The following SLC14A2 variants were observed in gnomAD, a reference collection of about 807,000 sequenced individuals.
The protein encoded by SLC14A2 is urea transporter 2.
A neutral mutation model predicts 104.6 loss-of-function variants in SLC14A2; 91 were observed. The observed-to-expected ratio is 0.87, with a 90% CI of 0.73 to 1.04. The LOEUF (loss-of-function observed/expected upper bound fraction) is 1.04, where lower values mean the gene tolerates loss of function less well. SLC14A2 is among the 50% of genes least tolerant of loss of function. The pLI is 0.00. For synonymous variants in SLC14A2, 476 were observed against 466.4 expected (o/e 1.02, Z -0.27); for missense variants, 1,189 against 1,156.0 (o/e 1.03, Z -0.41).
chr18:45,291,542 G>A (rs1421981275), intron 1 of SLC14A2, among the ~76,000 whole-genome samples: 1 of 152,162 alleles, frequency 6.6e-6, no homozygotes, highest in Non-Finnish European at 1.5e-5. Flanking sequence ...CTCCCAGTGT[G>A]GGAACCCAGG....
intron 1 of SLC14A2, among the ~76,000 whole-genome samples, chr18:45,365,662 G>A (rs1019512129): frequency 1.3e-5 from 2 of 152,100 alleles, no homozygotes; most frequent in African/African-American, 2.4e-5. Context: ...CTCCCTGCTC[G>A]GTGCTCTTCC....
chr18:45,282,759 G>A (rs1952510562), intron 1 of SLC14A2, among the ~76,000 whole-genome samples: 2 of 152,114 alleles, frequency 1.3e-5, no homozygotes, highest in Non-Finnish European at 2.9e-5. Flanking sequence ...ACTTATACTA[G>A]TTGTATATTC....
intron 1 of SLC14A2, among the ~76,000 whole-genome samples, chr18:45,427,251 G>T (rs1358299587): frequency 7.1e-6 from 1 of 140,100 alleles, no homozygotes; most frequent in Non-Finnish European, 1.6e-5. Context: ...TATTAGTAGG[G>T]TTAGAAAAGA....
chr18:45,432,496 G>T (rs575075528), intron 1 of SLC14A2, among the ~76,000 whole-genome samples: 1 of 152,290 alleles, frequency 6.6e-6, no homozygotes, highest in South Asian at 2.1e-4. Flanking sequence ...CTGGGGATGT[G>T]CATCCTAACA....
chr18:45,248,648 C>A (rs546417289), intron 1 of SLC14A2, among the ~76,000 whole-genome samples: 13 of 152,338 alleles, frequency 8.5e-5, no homozygotes, highest in African/African-American at 3.1e-4. Context: ...GCTCTCCAAC[C>A]AATTGGCATT....
At chr18:45,460,733 C>A (rs751890662) in intron 1 of SLC14A2, among the ~76,000 whole-genome samples, 5 of 152,134 alleles carry the variant, frequency 3.3e-5, no homozygotes, top group Admixed American at 6.5e-5. Flanking sequence ...TCCTCCCCTG[C>A]AGTTTTAATG....
chr18:45,625,576 C>A, intron 2 of SLC14A2, 107 bp from the exon 3 acceptor site: 1 of 874,338 alleles, frequency 1.1e-6, no homozygotes, highest in Non-Finnish European at 1.7e-6. Flanking sequence ...CCCTTTGTCT[C>A]ATGATCCTTT....
chr18:45,317,279 C>G (rs992838467), intron 1 of SLC14A2, among the ~76,000 whole-genome samples: 2 of 152,188 alleles, frequency 1.3e-5, no homozygotes, highest in Non-Finnish European at 2.9e-5. Flanking sequence ...GGTGCACACA[C>G]GCACATTATA....
intron 1 of SLC14A2, among the ~76,000 whole-genome samples, chr18:45,373,753 C>A (rs545674424): frequency 6.6e-6 from 1 of 152,254 alleles, no homozygotes; most frequent in South Asian, 2.1e-4. Flanking sequence ...ATCAGACAGC[C>A]TGTGATCACA....
At chr18:45,327,860 G>A (rs559264773) in intron 1 of SLC14A2, among the ~76,000 whole-genome samples, 1 of 152,132 alleles carries the variant, frequency 6.6e-6, no homozygotes, top group Non-Finnish European at 1.5e-5. Context: ...GAATGATAAG[G>A]CTTGGTAAAT....
At chr18:45,378,763 CTGTTGTTGT>C (rs570730451) in intron 1 of SLC14A2, among the ~76,000 whole-genome samples, 1 of 151,944 alleles carries the variant, frequency 6.6e-6, no homozygotes, top group Non-Finnish European at 1.5e-5. Context: ...CTGATCATTG[CTGTTGTTGT>C]TGTTGTTGTT....
intron 1 of SLC14A2, among the ~76,000 whole-genome samples, chr18:45,360,909 C>A (rs1391395977): frequency 2.0e-5 from 3 of 152,174 alleles, no homozygotes; most frequent in Non-Finnish European, 1.5e-5. Context: ...CCCCATCTCT[C>A]TTTTCCTCTC....
chr18:45,180,743 A>G, the SLC14A2 span, among the ~76,000 whole-genome samples: 1 of 152,216 alleles, frequency 6.6e-6, no homozygotes, highest in Non-Finnish European at 1.5e-5. Flanking sequence ...AATATCAACT[A>G]AAACTTAGTG....
chr18:45,189,498 A>G, the SLC14A2 span, among the ~76,000 whole-genome samples: 1 of 152,212 alleles, frequency 6.6e-6, no homozygotes, highest in South Asian at 2.1e-4. Flanking sequence ...AACTGTCATC[A>G]ATAGATAAAA....
chr18:45,580,079 A>G (rs1306007366), intron 2 of SLC14A2, among the ~76,000 whole-genome samples: 1 of 152,208 alleles, frequency 6.6e-6, no homozygotes, highest in Non-Finnish European at 1.5e-5. Flanking sequence ...TATAAGAGCC[A>G]CAATACCTCA....
intron 1 of SLC14A2, among the ~76,000 whole-genome samples, chr18:45,214,265 T>A (rs1008118380): frequency 2.6e-5 from 4 of 152,108 alleles, no homozygotes; most frequent in African/African-American, 9.7e-5. Context: ...AAGGCTTGGG[T>A]TTGTTTTGGC....
intron 1 of SLC14A2, among the ~76,000 whole-genome samples, chr18:45,264,019 T>C (rs1428839768): frequency 1.3e-5 from 2 of 152,198 alleles, no homozygotes; most frequent in African/African-American, 2.4e-5. Flanking sequence ...TATATACTAA[T>C]GGCTATTAAC....
At chr18:45,628,000 CAAAAAAA>C (rs58009345) in intron 4 of SLC14A2, among the ~76,000 whole-genome samples, 38 of 83,640 alleles carry the variant, frequency 4.5e-4, no homozygotes, top group African/African-American at 1.1e-3. Context: ...AAGACTTTCT[CAAAAAAA>C]AAAAAAAAAA....
At chr18:45,414,757 A>AAAAAAAAATATATATAT (rs1360051908) in intron 1 of SLC14A2, among the ~76,000 whole-genome samples, 3 of 76,120 alleles carry the variant, frequency 3.9e-5, no homozygotes, top group East Asian at 3.8e-4. Flanking sequence ...AAAAAAAAAA[A>AAAAAAAAATATATATAT]ATATATATAT....
Sources: gnomAD v4.1 joint callset for allele counts (sites outside exome capture counted in the v4.1 genomes callset) on GRCh38, gnomAD v4.1.1 for gene constraint, MANE v1.5 for transcripts, NCBI Gene and HGNC (gene_info 2026-07-23, HGNC 2026-07-21) for gene names.